Variants in NFATC1 observed in about 807,000 individuals in gnomAD.
The protein encoded by NFATC1 is nuclear factor of activated T cells 1.
Under a neutral mutation model 76.0 loss-of-function variants are expected in NFATC1, and 22 were observed. The ratio of observed to expected loss-of-function variants is 0.29; its 90% CI spans 0.21 to 0.41. The LOEUF (loss-of-function observed/expected upper bound fraction) is 0.41, where lower values mean the gene tolerates loss of function less well. Among genes scored for constraint, NFATC1 ranks in the 10% least tolerant of loss-of-function variants. The pLI, the probability that NFATC1 is intolerant of heterozygous loss-of-function variation, is 1.00. For synonymous variants in NFATC1, 704 were observed against 613.1 expected (o/e 1.15, Z -2.19); for missense variants, 1,357 against 1,337.7 (o/e 1.01, Z -0.23).
intron 9 of NFATC1, among the ~76,000 whole-genome samples, chr18:79,504,843 G>A (rs1347581351): frequency 1.1e-4 from 16 of 141,446 alleles, no homozygotes; most frequent in East Asian, 4.5e-4. Context: ...GGAGGAGGTG[G>A]TGCTGGAGGC....
At chr18:79,441,717 G>A (rs1180257638) in intron 3 of NFATC1, among the ~76,000 whole-genome samples, 1 of 152,076 alleles carries the variant, frequency 6.6e-6, no homozygotes. Flanking sequence ...TCTCTAGAAG[G>A]TTGCCGTTTC....
chr18:79,454,024 G>T (rs1442702522), intron 6 of NFATC1, among the ~76,000 whole-genome samples: 1 of 152,294 alleles, frequency 6.6e-6, no homozygotes, highest in Admixed American at 6.5e-5. Context: ...AAACACAGTT[G>T]CCCTCTCGTT....
intron 1 of NFATC1, among the ~76,000 whole-genome samples, chr18:79,397,089 C>T (rs2085032452): frequency 6.6e-6 from 1 of 152,164 alleles, no homozygotes. Context: ...GTGGGGGGCG[C>T]TGAGACCCCC....
chr18:79,425,632 G>T (rs924527134), intron 2 of NFATC1, among the ~76,000 whole-genome samples: 4 of 152,210 alleles, frequency 2.6e-5, no homozygotes, highest in Admixed American at 1.3e-4. Context: ...TGCTGCCGAG[G>T]GCGCGATTCC....
At chr18:79,449,100 C>T (rs534944980) in intron 4 of NFATC1, 116 bp downstream of exon 4, 1 of 997,758 alleles carries the variant, frequency 1.0e-6, no homozygotes, top group Non-Finnish European at 1.4e-6. Flanking sequence ...GTGGCCAGGA[C>T]ACTTTTGGTT....
chr18:79,490,688 G>T (rs935426355), intron 9 of NFATC1, among the ~76,000 whole-genome samples: 1 of 152,182 alleles, frequency 6.6e-6, no homozygotes, highest in African/African-American at 2.4e-5. Flanking sequence ...CGTTTCCCGC[G>T]TCCTGGGTGG....
chr18:79,445,869 C>T (rs982992143), intron 3 of NFATC1, among the ~76,000 whole-genome samples: 10 of 152,300 alleles, frequency 6.6e-5, no homozygotes, highest in South Asian at 4.1e-4. Context: ...CCTGGGTGCA[C>T]GCAGCTGAGT....
intron 6 of NFATC1, among the ~76,000 whole-genome samples, chr18:79,456,275 G>A (rs2087720866): frequency 6.6e-6 from 1 of 152,232 alleles, no homozygotes; most frequent in South Asian, 2.1e-4. Context: ...CGAGTGTGGG[G>A]TGCATGTCCC....
intron 8 of NFATC1, among the ~76,000 whole-genome samples, chr18:79,477,783 G>A (rs2089134879): frequency 1.3e-5 from 2 of 152,328 alleles, no homozygotes; most frequent in South Asian, 2.1e-4. Context: ...GACTGGTACG[G>A]TCGGGTTCTG....
At chr18:79,399,632 C>T (rs1322492525) in intron 1 of NFATC1, among the ~76,000 whole-genome samples, 3 of 152,244 alleles carry the variant, frequency 2.0e-5, no homozygotes, top group Admixed American at 1.3e-4. Flanking sequence ...CTTCCCGCCC[C>T]GCTCAAGGAG....
Position 79,405,858 on chromosome 18 carries a change from G to T in NFATC1, c.128-4545G>T, listed in dbSNP as rs576276307. Among the ~76,000 whole-genome samples the T allele has an allele frequency of 3.9e-5, 6 of 152,272 alleles. No homozygotes were observed. The South Asian group carries it at 6.2e-4, about 16-fold the overall frequency. On this transcript the variant is annotated intron_variant, in intron 1 of 9. Transcript: ENST00000427363. ...ATAAAGGCCCTCGGGTGCCCCAGGC[G>T]TCCGTGGGCCTCTGCATGCACTTCC...
chr18:79,426,839 C>G (rs911521457), intron 2 of NFATC1, among the ~76,000 whole-genome samples: 1 of 152,182 alleles, frequency 6.6e-6, no homozygotes, highest in African/African-American at 2.4e-5. Flanking sequence ...ATAGCAGCCA[C>G]CATGCCCTGG....
chr18:79,474,929 A>G (rs34081907), intron 8 of NFATC1, among the ~76,000 whole-genome samples: 3,579 of 53,628 alleles, frequency 0.067, 251 homozygotes, highest in African/African-American at 0.21. Flanking sequence ...GCTCGCTGTC[A>G]ACGTAAACCT....
rs776289930 is a variant in NFATC1, at chr18:79,451,076, C to T, written c.1712C>T (p.Pro571Leu). 2.5e-6 allele frequency: 4 copies of T among 1,613,094 alleles called. No individual in the cohort carries two copies. Among genetic ancestry groups the T allele is most frequent in the African/African-American group, 1.3e-5 (1 of 74,944 alleles). Residue 571 changes from proline (P) to leucine (L), a missense_variant, in exon 5 of 10, where the codon CCC (proline) becomes CTC (leucine). Pro to Leu is a moderately conservative substitution (Grantham distance 98). Around this residue, in one of 3 missense-constraint regions of NFATC1, gnomAD observed 242 missense variants for 329.2 expected, o/e 0.74. Transcript: ENST00000427363. ...GTGTTCCGCGTTCACGTCCCGCAAC[C>T]CAGCGGCCGCACGCTGTCCCTGCAG... ...RLVFRVHVPQ[P>L]SGRTLSLQVA...
intron 2 of NFATC1, among the ~76,000 whole-genome samples, chr18:79,424,955 GTCTGTCTCTCCGTC>G (rs1247341345): frequency 7.7e-6 from 1 of 130,646 alleles, no homozygotes; most frequent in African/African-American, 3.0e-5. Flanking sequence ...GCCTCTCTGT[GTCTGTCTCTCCGTC>G]TCTGTCTCTC....
At chr18:79,467,760 C>T (rs1269421950) in intron 8 of NFATC1, 178 bp downstream of exon 8, 15 of 1,144,942 alleles carry the variant, frequency 1.3e-5, no homozygotes, top group Non-Finnish European at 1.6e-5. Context: ...AGGGAAGCTT[C>T]GGATGCATTT....
chr18:79,455,798 G>A (rs140272572), intron 6 of NFATC1, among the ~76,000 whole-genome samples: 24 of 65,084 alleles, frequency 3.7e-4, no homozygotes, highest in Admixed American at 1.3e-3. Context: ...CCCATCCCAC[G>A]GCCGCCCCAT....
intron 6 of NFATC1, among the ~76,000 whole-genome samples, chr18:79,458,914 G>C (rs1291381427): frequency 6.6e-6 from 1 of 152,260 alleles, no homozygotes; most frequent in African/African-American, 2.4e-5. Flanking sequence ...TTCTGGCCGT[G>C]AATACTATTG....
Position 79,524,764 on chromosome 18 carries a change from T to G in NFATC1, c.2783-2764T>G, listed in dbSNP as rs1399340099. Among the ~76,000 whole-genome samples, 1 of 151,972 alleles carries G rather than the reference T, an allele frequency of 6.6e-6. No individual in the cohort carries two copies. The highest frequency in any genetic ancestry group is 2.4e-5 in the African/African-American group (1 of 41,370). On this transcript the variant is annotated intron_variant, in intron 9 of 9. Coordinates refer to ENST00000427363, the MANE Select transcript of NFATC1 (RefSeq NM_001278669.2). This position sits in a 1 kb window ranked among gnomAD's most constrained non-coding sequence, Gnocchi z 7.2. ...GGCCGGGGGACACACCGAGGAACTT[T>G]CCGCCCCCCGACGGGCTCTCCCACC...
Sources: gnomAD v4.1 joint callset for allele counts (sites outside exome capture counted in the v4.1 genomes callset) on GRCh38, gnomAD v4.1.1 for gene constraint, gnomAD v4.1.1 regional missense constraint, Gnocchi (gnomAD v3.1) non-coding constraint, MANE v1.5 for transcripts, NCBI Gene and HGNC (gene_info 2026-07-23, HGNC 2026-07-21) for gene names.